Variants in ZFAND3 observed in about 807,000 individuals in gnomAD.
The protein encoded by ZFAND3 is AN1-type zinc finger protein 3.
A neutral mutation model predicts 29.6 loss-of-function variants in ZFAND3; 10 were observed. That is an observed-to-expected ratio of 0.34 (90% CI 0.21 to 0.57). ZFAND3 has a LOEUF of 0.57. ZFAND3 is among the 20% of genes least tolerant of loss of function. The pLI is 0.86. For synonymous variants in ZFAND3, 128 were observed against 112.6 expected (o/e 1.14, Z -0.87); for missense variants, 230 against 304.5 (o/e 0.76, Z 1.82).
At chr6:38,002,549 T>A (rs1762968857) in intron 2 of ZFAND3, among the ~76,000 whole-genome samples, 1 of 151,960 alleles carries the variant, frequency 6.6e-6, no homozygotes, top group Admixed American at 6.6e-5. Context: ...CTCGGTGTTG[T>A]GCCTGTAGTC....
chr6:38,076,032 G>A (rs1328306596), intron 3 of ZFAND3, among the ~76,000 whole-genome samples: 1 of 152,118 alleles, frequency 6.6e-6, no homozygotes, highest in Non-Finnish European at 1.5e-5. Flanking sequence ...GATTACAGAT[G>A]TGAGCCACCG....
At chr6:38,080,546 T>C (rs1387681266) in intron 3 of ZFAND3, among the ~76,000 whole-genome samples, 1 of 152,132 alleles carries the variant, frequency 6.6e-6, no homozygotes, top group Non-Finnish European at 1.5e-5. Flanking sequence ...AAAAGTCGCT[T>C]ATTGGCAGTT....
At chr6:37,852,320 A>G (rs1019497296) in intron 1 of ZFAND3, among the ~76,000 whole-genome samples, 17 of 152,222 alleles carry the variant, frequency 1.1e-4, no homozygotes, top group Non-Finnish European at 1.3e-4. Flanking sequence ...GTAGAGGCCA[A>G]GGATACTGCT....
At chr6:38,015,675 A>G (rs958040767) in intron 2 of ZFAND3, among the ~76,000 whole-genome samples, 1 of 152,250 alleles carries the variant, frequency 6.6e-6, no homozygotes, top group Admixed American at 6.5e-5. Context: ...ATGTGTATGT[A>G]TGACACCATT....
intron 2 of ZFAND3, among the ~76,000 whole-genome samples, chr6:38,014,360 CTT>C (rs915761878): frequency 7.9e-5 from 12 of 151,252 alleles, no homozygotes; most frequent in African/African-American, 2.9e-4. Flanking sequence ...GAGTTTCACT[CTT>C]GTCGCCTAGG....
intron 1 of ZFAND3, among the ~76,000 whole-genome samples, chr6:37,873,796 A>G (rs372788084): frequency 2.6e-4 from 40 of 152,312 alleles, no homozygotes; most frequent in African/African-American, 8.9e-4. Flanking sequence ...TGTTGCAGCT[A>G]CTCACCCCTA....
chr6:38,045,393 CTA>C (rs1248452723), intron 2 of ZFAND3, among the ~76,000 whole-genome samples: 2 of 152,034 alleles, frequency 1.3e-5, no homozygotes, highest in African/African-American at 4.8e-5. Flanking sequence ...CCGGCCATTC[CTA>C]TGTCGAAATT....
At chr6:37,834,657 T>G (rs1365819064) in intron 1 of ZFAND3, among the ~76,000 whole-genome samples, 2 of 152,106 alleles carry the variant, frequency 1.3e-5, no homozygotes, top group Non-Finnish European at 2.9e-5. Flanking sequence ...TTGTCAGCAT[T>G]TGGTGGTGTT....
intron 5 of ZFAND3, among the ~76,000 whole-genome samples, chr6:38,148,104 G>A (rs60249007): frequency 0.033 from 4,971 of 152,200 alleles, 222 homozygotes; most frequent in African/African-American, 0.096. Context: ...TTGAGTTGAA[G>A]TCTTGAGTCC....
At chr6:37,878,022 G>A (rs1425708404) in intron 1 of ZFAND3, among the ~76,000 whole-genome samples, 1 of 152,182 alleles carries the variant, frequency 6.6e-6, no homozygotes, top group African/African-American at 2.4e-5. Context: ...GGAGATGATG[G>A]TGGCTAGATG....
chr6:38,004,707 A>G (rs1398631807), intron 2 of ZFAND3, among the ~76,000 whole-genome samples: 1 of 152,240 alleles, frequency 6.6e-6, no homozygotes, highest in Non-Finnish European at 1.5e-5. Flanking sequence ...TTTTAGCCCA[A>G]TACATGATGT....
Position 38,077,986 on chromosome 6 carries a change from A to G in ZFAND3, c.296-4406A>G, listed in dbSNP as rs183765336. Among the ~76,000 whole-genome samples the G allele has an allele frequency of 3.1e-3, 468 of 152,280 alleles. 2 individuals are homozygous for G. The highest frequency in any genetic ancestry group is 0.011 in the African/African-American group (445 of 41,562). On this transcript the variant is annotated intron_variant, in intron 3 of 5. Transcript: ENST00000287218. ...ATAAGAATTCTGGTGCTTCACTTTGAAATGTGTGTGTTGATAGTTAATGGG... is the reference window on the plus strand; with the variant it reads ...ATAAGAATTCTGGTGCTTCACTTTGGAATGTGTGTGTTGATAGTTAATGGG...
rs77834360 is a variant in ZFAND3, at chr6:38,123,126, G to C, written c.529+6387G>C. On this transcript the variant is annotated intron_variant, in intron 5 of 5. Coordinates refer to ENST00000287218, the MANE Select transcript of ZFAND3 (RefSeq NM_021943.3). ...ATGAAACATGTTGGAAAGCCATGGA[G>C]GTTGTTGAATCTTTTCAAGGGAATG... is the stretch of plus-strand genomic sequence containing the variant. Among the ~76,000 whole-genome samples, 635 of 152,334 alleles carry C rather than the reference G, an allele frequency of 4.2e-3. 17 individuals are homozygous for C. Among genetic ancestry groups the C allele is most frequent in the Admixed American group, 0.03 (466 of 15,308 alleles).
intron 5 of ZFAND3, among the ~76,000 whole-genome samples, chr6:38,144,199 A>ATATATATATATAT (rs1766036650): frequency 5.7e-5 from 2 of 35,278 alleles, no homozygotes; most frequent in Admixed American, 4.3e-4. Context: ...ATATATATAT[A>ATATATATATATAT]TATATATATA....
At chr6:38,137,662 C>A (rs1351608736) in intron 5 of ZFAND3, among the ~76,000 whole-genome samples, 1 of 151,806 alleles carries the variant, frequency 6.6e-6, no homozygotes, top group African/African-American at 2.4e-5. Context: ...AATAAAATGA[C>A]AGTGTGATAA....
At chr6:38,073,389 G>A (rs1176535227) in intron 3 of ZFAND3, among the ~76,000 whole-genome samples, 1 of 150,358 alleles carries the variant, frequency 6.7e-6, no homozygotes, top group African/African-American at 2.4e-5. Flanking sequence ...CATTAATGTT[G>A]TTATGAGAAT....
chr6:37,896,576 TTC>T (rs1206243927), intron 1 of ZFAND3, among the ~76,000 whole-genome samples: 29 of 139,030 alleles, frequency 2.1e-4, no homozygotes, highest in African/African-American at 4.5e-4. Flanking sequence ...CTTTCTCTCT[TTC>T]TCTCTCTTTC....
chr6:38,125,993 G>T (rs775877867), intron 5 of ZFAND3, among the ~76,000 whole-genome samples: 61 of 152,018 alleles, frequency 4.0e-4, no homozygotes, highest in African/African-American at 1.3e-3. Context: ...ATGAGTTTTA[G>T]TAGATTTGTG....
intron 2 of ZFAND3, among the ~76,000 whole-genome samples, chr6:37,942,402 G>A (rs1761827376): frequency 6.6e-6 from 1 of 151,984 alleles, no homozygotes; most frequent in Non-Finnish European, 1.5e-5. Context: ...GATCATTTGA[G>A]ACATGTTAGC....
Sources: allele counts gnomAD v4.1 joint callset (sites outside exome capture counted in the v4.1 genomes callset), GRCh38; gene constraint gnomAD v4.1.1; transcripts MANE v1.5; gene names NCBI Gene and HGNC (gene_info 2026-07-23, HGNC 2026-07-21).